FGD4: variants seen among roughly 807,000 people sequenced by gnomAD.
FGD4 encodes FYVE, RhoGEF and PH domain-containing protein 4.
Under a neutral mutation model 102.0 loss-of-function variants are expected in FGD4, and 42 were observed. The observed-to-expected ratio is 0.41, with a 90% CI of 0.32 to 0.53. The LOEUF (loss-of-function observed/expected upper bound fraction) is 0.53, where lower values mean the gene tolerates loss of function less well. Among genes scored for constraint, FGD4 ranks in the 20% least tolerant of loss-of-function variants. FGD4 has a pLI of 0.21. For missense variants in FGD4, 902 were observed against 1,078.2 expected, an observed-to-expected ratio of 0.84 and a Z score of 2.29; for synonymous variants, 380 against 375.7, an observed-to-expected ratio of 1.01 and a Z score of -0.13.
In FGD4 at chr12:32,556,007, T is replaced by A. The variant is rs1009554108; in HGVS notation, c.167-8130T>A. On this transcript the variant is annotated intron_variant, in intron 1 of 16. Coordinates refer to ENST00000534526, the MANE Select transcript of FGD4 (RefSeq NM_001370298.3). ...TGTGCACCACCATGCCCAGCTAATT[T>A]TTTTTTTTACTTTTTGTAGAGATAG... Among the ~76,000 whole-genome samples the A allele has an allele frequency of 5.3e-5, 8 of 152,094 alleles. No individual in the cohort carries two copies. In the South Asian group the frequency reaches 1.7e-3, roughly 31 times the overall value.
chr12:32,555,673 G>A (rs1215937949), intron 1 of FGD4, among the ~76,000 whole-genome samples: 1 of 145,572 alleles, frequency 6.9e-6, no homozygotes, highest in Non-Finnish European at 1.5e-5. Flanking sequence ...CCGGTTTCAC[G>A]CCATTCTCCT....
chr12:32,513,044 C>T (rs1389300583), intron 1 of FGD4, among the ~76,000 whole-genome samples: 1 of 152,160 alleles, frequency 6.6e-6, no homozygotes, highest in Non-Finnish European at 1.5e-5. Context: ...AATAAAGATA[C>T]AGTCTTGCTT....
chr12:32,449,988 A>G (rs1023388024), intron 1 of FGD4, among the ~76,000 whole-genome samples: 2 of 151,790 alleles, frequency 1.3e-5, no homozygotes, highest in Non-Finnish European at 2.9e-5. Flanking sequence ...GCTGGAGTGC[A>G]ATGGTGCGAT....
At chr12:32,405,100 A>T (rs576476055) in intron 1 of FGD4, among the ~76,000 whole-genome samples, 91 of 150,998 alleles carry the variant, frequency 6.0e-4, no homozygotes, top group African/African-American at 2.2e-3. Context: ...CACCCGGCTA[A>T]TTTTTTGTAT....
intron 1 of FGD4, among the ~76,000 whole-genome samples, chr12:32,440,481 C>T (rs1942393960): frequency 6.6e-6 from 1 of 152,202 alleles, no homozygotes; most frequent in African/African-American, 2.4e-5. Flanking sequence ...CTGTTGTCTT[C>T]CCTTACTTTC....
At position 32,642,785 on chromosome 12, in the gene FGD4, A is replaced by G. The variant is rs1592521373; in HGVS notation, c.*2252A>G. Reference sequence around the variant, plus strand: ...GCTAAACGCAAAGAGAAGCAGTGAAACAGCCTTACCCGCTTCTCTCTTATT... The same window carrying G: ...GCTAAACGCAAAGAGAAGCAGTGAAGCAGCCTTACCCGCTTCTCTCTTATT... On this transcript the variant is annotated 3_prime_UTR_variant, in exon 17 of 17. Transcript: ENST00000534526. 6.6e-6 allele frequency: 1 copy of G among 152,334 alleles called. No individual in the cohort carries two copies. The allele number at this position is 152,334 out of a possible 1,614,324, so 9.4% of individuals were successfully genotyped here. A position where few individuals can be genotyped will look rare whatever the true frequency, so the allele number is the denominator to read the frequency against.
At chr12:32,617,446 A>G (rs1396886100) in intron 10 of FGD4, among the ~76,000 whole-genome samples, 1 of 152,256 alleles carries the variant, frequency 6.6e-6, no homozygotes, top group Admixed American at 6.5e-5. Context: ...GAGAAAACAA[A>G]TTGAATTATT....
intron 1 of FGD4, among the ~76,000 whole-genome samples, chr12:32,497,461 A>G (rs1249011839): frequency 6.6e-6 from 1 of 152,194 alleles, no homozygotes; most frequent in East Asian, 1.9e-4. Flanking sequence ...CTAAGGAGAT[A>G]CCACCTCTTT....
intron 1 of FGD4, among the ~76,000 whole-genome samples, chr12:32,449,954 A>G (rs921908560): frequency 6.6e-6 from 1 of 151,190 alleles, no homozygotes. Context: ...TTTTTTTGAG[A>G]TGGAGTCTTG....
At chr12:32,535,012 G>A (rs1942125959) in intron 1 of FGD4, among the ~76,000 whole-genome samples, 1 of 152,170 alleles carries the variant, frequency 6.6e-6, no homozygotes, top group African/African-American at 2.4e-5. Flanking sequence ...GTAGAGATAG[G>A]CATGAGTTTG....
At chr12:32,612,471 G>C (rs569207332) in intron 10 of FGD4, among the ~76,000 whole-genome samples, 2 of 152,302 alleles carry the variant, frequency 1.3e-5, no homozygotes, top group South Asian at 2.1e-4. Flanking sequence ...TGGCCACAAA[G>C]GTGTCCAGCT....
intron 1 of FGD4, among the ~76,000 whole-genome samples, chr12:32,480,071 C>G (rs1307502287): frequency 6.6e-6 from 1 of 151,798 alleles, no homozygotes; most frequent in Non-Finnish European, 1.5e-5. Context: ...AGATTACAGA[C>G]ATGAACCACT....
chr12:32,465,177 A>G (rs773528244), intron 1 of FGD4, among the ~76,000 whole-genome samples: 11 of 152,086 alleles, frequency 7.2e-5, no homozygotes, highest in Non-Finnish European at 1.5e-4. Context: ...ACTTTTGACT[A>G]CCCCAAAATT....
chr12:32,435,446 AATG>A (rs1368572630), intron 1 of FGD4, among the ~76,000 whole-genome samples: 1 of 152,046 alleles, frequency 6.6e-6, no homozygotes, highest in African/African-American at 2.4e-5. Flanking sequence ...ATGCTCATAA[AATG>A]ATATATTTAC....
At chr12:32,609,533 G>A (rs1354703248) in intron 8 of FGD4, among the ~76,000 whole-genome samples, 1 of 152,136 alleles carries the variant, frequency 6.6e-6, no homozygotes, top group African/African-American at 2.4e-5. Flanking sequence ...TCTTTAAAAT[G>A]TAAATTAAAA....
chr12:32,556,670 G>A (rs1457756064), intron 1 of FGD4, among the ~76,000 whole-genome samples: 1 of 151,754 alleles, frequency 6.6e-6, no homozygotes, highest in Non-Finnish European at 1.5e-5. Context: ...CAGCCTGGCC[G>A]ACGTGGTGAA....
intron 1 of FGD4, among the ~76,000 whole-genome samples, chr12:32,432,786 C>G (rs1942098253): frequency 6.6e-6 from 1 of 152,060 alleles, no homozygotes; most frequent in Non-Finnish European, 1.5e-5. Flanking sequence ...TCTTTGCTGT[C>G]TCTCCAACAC....
At chr12:32,438,145 G>A (rs1189164415) in intron 1 of FGD4, among the ~76,000 whole-genome samples, 1 of 152,222 alleles carries the variant, frequency 6.6e-6, no homozygotes, top group Admixed American at 6.5e-5. Flanking sequence ...ATCTGCCTGG[G>A]CCTCCCAAAG....
At chr12:32,630,541 G>A (rs1950437927) in intron 14 of FGD4, among the ~76,000 whole-genome samples, 1 of 151,900 alleles carries the variant, frequency 6.6e-6, no homozygotes, top group Admixed American at 6.6e-5. Flanking sequence ...TTGGCTGGGT[G>A]CAGTGGCTCA....
Sources: gnomAD v4.1 joint callset for allele counts (sites outside exome capture counted in the v4.1 genomes callset) on GRCh38, gnomAD v4.1.1 for gene constraint, MANE v1.5 for transcripts, NCBI Gene and HGNC (gene_info 2026-07-23, HGNC 2026-07-21) for gene names.